HTR2C: variants seen among roughly 807,000 people sequenced by gnomAD.
HTR2C encodes 5-hydroxytryptamine (serotonin) receptor 2C, G protein-coupled.
HTR2C carries 5 observed loss-of-function variants against 21.0 expected under a neutral mutation model. That is an observed-to-expected ratio of 0.24 (90% CI 0.12 to 0.50). HTR2C has a LOEUF of 0.50. Ranked by LOEUF, HTR2C falls within the 20% of genes least tolerant of loss-of-function variation. The pLI is 0.98. For synonymous variants in HTR2C, 150 were observed against 145.3 expected, an observed-to-expected ratio of 1.03 and a Z score of -0.23; for missense variants, 271 against 371.2, an observed-to-expected ratio of 0.73 and a Z score of 2.22.
chrX:114,747,195 A>G (rs1267258972), intron 4 of HTR2C, among the ~76,000 whole-genome samples: 6 of 111,643 alleles, frequency 5.4e-5, no homozygotes, highest in Non-Finnish European at 1.1e-4. Flanking sequence ...AATAAAGATT[A>G]AAATTCACCC....
intron 2 of HTR2C, among the ~76,000 whole-genome samples, chrX:114,700,623 C>T (rs142995117): frequency 6.3e-4 from 71 of 112,414 alleles, no homozygotes; most frequent in Admixed American, 1.6e-3. Context: ...AGCTCCCAGC[C>T]TGAGCAACGC....
intron 2 of HTR2C, among the ~76,000 whole-genome samples, chrX:114,664,731 T>C (rs782295939): frequency 5.3e-4 from 59 of 111,767 alleles, no homozygotes; most frequent in African/African-American, 1.8e-3. Flanking sequence ...TTTGGGTATA[T>C]ACCCAGTAAT....
rs1260626438 is a variant in HTR2C, at chrX:114,776,511, G to A, written c.349+44904G>A. The stretch of plus-strand genomic sequence containing the variant: ...TCATTCACCATCATGAAGGGCCAAT[G>A]CTTCATATCAGACTAGACAACAGCA... On this transcript the variant is annotated intron_variant, in intron 4 of 5. Transcript: ENST00000276198. The A allele has an allele frequency of 7.3e-6, 4 of 545,641 alleles. No homozygotes were observed. In the African/African-American group the frequency reaches 9.2e-5, roughly 12 times the overall value. 45.0% of individuals were successfully genotyped at this position (545,641 alleles called of 1,213,427 possible).
At chrX:114,742,387 G>A (rs1370662678) in intron 4 of HTR2C, among the ~76,000 whole-genome samples, 1 of 111,413 alleles carries the variant, frequency 9.0e-6, no homozygotes, top group African/African-American at 3.3e-5. Flanking sequence ...TGAATGACAT[G>A]TGTGTGGGAC....
intron 5 of HTR2C, among the ~76,000 whole-genome samples, chrX:114,853,988 T>C (rs2070939335): frequency 8.9e-6 from 1 of 111,839 alleles, no homozygotes; most frequent in Non-Finnish European, 1.9e-5. Context: ...TGGTGGCCAC[T>C]CTGTCTTCCA....
At chrX:114,653,008 T>C (rs782531419) in intron 2 of HTR2C, among the ~76,000 whole-genome samples, 110 of 107,864 alleles carry the variant, frequency 1.0e-3, no homozygotes, top group Non-Finnish European at 1.1e-3. Context: ...AGACAGTCAA[T>C]AAACTAAAAC....
At chrX:114,620,458 C>T (rs891410310) in intron 2 of HTR2C, among the ~76,000 whole-genome samples, 18 of 111,559 alleles carry the variant, frequency 1.6e-4, no homozygotes, top group East Asian at 8.5e-4. Context: ...ATTGCCAATA[C>T]GGCTTACATT....
chrX:114,627,006 T>C (rs1171535709), intron 2 of HTR2C, among the ~76,000 whole-genome samples: 1 of 112,031 alleles, frequency 8.9e-6, no homozygotes, highest in African/African-American at 3.2e-5. Flanking sequence ...GAACATAACG[T>C]TCTAAATTTA....
chrX:114,891,987 T>C (rs1487390397), intron 5 of HTR2C, among the ~76,000 whole-genome samples: 1 of 111,209 alleles, frequency 9.0e-6, no homozygotes, highest in African/African-American at 3.3e-5. Context: ...TATACATTCT[T>C]GAAACATCCT....
intron 2 of HTR2C, among the ~76,000 whole-genome samples, chrX:114,723,659 A>G (rs1412637627): frequency 3.6e-5 from 4 of 110,171 alleles, no homozygotes; most frequent in Non-Finnish European, 5.7e-5. Context: ...ACTTAGTGCT[A>G]TAAATTTCCC....
chrX:114,728,729 A>G (rs1314934179), intron 3 of HTR2C, among the ~76,000 whole-genome samples: 5 of 111,494 alleles, frequency 4.5e-5, no homozygotes, highest in African/African-American at 1.6e-4. Flanking sequence ...CTAGATAACT[A>G]CTTGAAACAG....
At chrX:114,606,414 T>G in intron 1 of HTR2C, among the ~76,000 whole-genome samples, 1 of 111,648 alleles carries the variant, frequency 9.0e-6, no homozygotes, top group Non-Finnish European at 1.9e-5. Context: ...AACGTGGGTG[T>G]ATAATCAGAG....
chrX:114,701,854 G>T (rs1261219097), intron 2 of HTR2C, among the ~76,000 whole-genome samples: 2 of 111,879 alleles, frequency 1.8e-5, no homozygotes, highest in East Asian at 5.6e-4. Flanking sequence ...CCAATACAGA[G>T]AAGTCCTTAA....
At chrX:114,698,479 C>G in intron 2 of HTR2C, among the ~76,000 whole-genome samples, 1 of 9,768 alleles carries the variant, frequency 1.0e-4, no homozygotes, top group Middle Eastern at 0.029. Flanking sequence ...CACACAAACA[C>G]GCACACACAC....
At chrX:114,834,917 T>G (rs2070766542) in intron 4 of HTR2C, among the ~76,000 whole-genome samples, 2 of 108,201 alleles carry the variant, frequency 1.8e-5, no homozygotes, top group Admixed American at 1.0e-4. Context: ...ACAAAATCTC[T>G]CAGCATTTGC....
rs1315247437 is a variant in HTR2C at position 114,723,114 on chromosome X, G to A, written c.-79-3744G>A. Among the ~76,000 whole-genome samples, 5 of 111,099 alleles carry A rather than the reference G, an allele frequency of 4.5e-5. No individual in the cohort carries two copies. In the East Asian group the frequency reaches 1.4e-3, roughly 31 times the overall value. ...GGTACCAGTTCCTCCTTGTACCTCT[G>A]GTAGAATTTGGCTGTGAATCCATCT... On this transcript the variant is annotated intron_variant, in intron 2 of 5. Coordinates refer to ENST00000276198, the MANE Select transcript of HTR2C (RefSeq NM_000868.4).
intron 5 of HTR2C, among the ~76,000 whole-genome samples, chrX:114,870,991 T>C (rs1489712007): frequency 9.0e-6 from 1 of 111,634 alleles, no homozygotes; most frequent in African/African-American, 3.3e-5. Context: ...CTCTTGCTTT[T>C]TTTAGTTCTT....
chrX:114,872,667 G>T (rs2071101484), intron 5 of HTR2C, among the ~76,000 whole-genome samples: 1 of 110,904 alleles, frequency 9.0e-6, no homozygotes, highest in Admixed American at 9.7e-5. Context: ...AACATGCTTT[G>T]TATAATTTCA....
At chrX:114,853,120 A>G (rs782577620) in intron 5 of HTR2C, among the ~76,000 whole-genome samples, 4 of 111,240 alleles carry the variant, frequency 3.6e-5, no homozygotes, top group Non-Finnish European at 5.6e-5. Flanking sequence ...GTGTAATTTT[A>G]ATTTGCATCT....
Sources: allele counts gnomAD v4.1 joint callset (sites outside exome capture counted in the v4.1 genomes callset), GRCh38; gene constraint gnomAD v4.1.1; transcripts MANE v1.5; gene names NCBI Gene and HGNC (gene_info 2026-07-23, HGNC 2026-07-21).